LIG1: variants seen among roughly 807,000 people sequenced by gnomAD.
LIG1 encodes ligase I, DNA, ATP-dependent.
A neutral mutation model predicts 115.7 loss-of-function variants in LIG1; 70 were observed. The ratio of observed to expected loss-of-function variants is 0.60; its 90% CI spans 0.50 to 0.74. LIG1 has a LOEUF of 0.74. LIG1 is among the 30% of genes least tolerant of loss of function. The pLI is 0.00. For missense variants in LIG1, 1,115 were observed against 1,225.6 expected, an observed-to-expected ratio of 0.91 and a Z score of 1.35; for synonymous variants, 487 against 495.3, an observed-to-expected ratio of 0.98 and a Z score of 0.22.
chr19:48,133,183 C>G, intron 17 of LIG1, 86 bp from the exon 18 acceptor site: 3 of 879,866 alleles, frequency 3.4e-6, no homozygotes, highest in Non-Finnish European at 5.8e-6. Context: ...TAATGGGCCC[C>G]AGGACCATTC....
chr19:48,121,487 G>A (rs1395385936), intron 23 of LIG1, among the ~76,000 whole-genome samples, 165 bp from the exon 24 acceptor site: 1 of 152,148 alleles, frequency 6.6e-6, no homozygotes, highest in Admixed American at 6.5e-5. Flanking sequence ...CTGGACATGG[G>A]AAGGGTTTCT....
At position 48,167,688 on chromosome 19, in the gene LIG1, T is replaced by C. The variant is rs2036552464; in HGVS notation, c.-57-2065A>G. 3.3e-5 allele frequency among the ~76,000 whole-genome samples: 5 copies of C among 151,858 alleles called. No individual in the cohort carries two copies. The South Asian group carries it at 1.0e-3, about 32-fold the overall frequency. ...AAAAATGCAAAAAATTAGCCAGGCA[T>C]GGTGGTGCCAGCCTGTAATCCCAAC... On this transcript the variant is annotated intron_variant, in intron 1 of 27. Coordinates refer to ENST00000263274, the MANE Select transcript of LIG1 (RefSeq NM_000234.3).
At chr19:48,168,404 G>A (rs944250797) in intron 1 of LIG1, among the ~76,000 whole-genome samples, 3 of 152,176 alleles carry the variant, frequency 2.0e-5, no homozygotes, top group Admixed American at 6.5e-5. Context: ...CAAAGCCCAC[G>A]TTCCTTTCTC....
In LIG1 at chr19:48,165,470, T is replaced by C. The variant is rs560275461; in HGVS notation, c.17+80A>G. ...ACGTAAGAGTTTTTGTTTGTTTGTT[T>C]GTTTTTTTAAGTACAGATTTAGAGA... On this transcript the variant is annotated intron_variant, in intron 2 of 27. Transcript: ENST00000263274. 7.7e-6 allele frequency: 9 copies of C among 1,164,730 alleles called. No homozygotes were observed. In the Admixed American group the frequency reaches 1.0e-4, roughly 13 times the overall value. 72.1% of individuals were successfully genotyped at this position (1,164,730 alleles called of 1,614,324 possible).
At chr19:48,163,313 C>G in intron 2 of LIG1, among the ~76,000 whole-genome samples, 1 of 152,078 alleles carries the variant, frequency 6.6e-6, no homozygotes, top group South Asian at 2.1e-4. Context: ...CCTCGGCCTC[C>G]CAGTTTCAAG....
chr19:48,131,249 G>A (rs1474981004), intron 18 of LIG1, 78 bp from the exon 19 acceptor site: 2 of 1,031,540 alleles, frequency 1.9e-6, no homozygotes, highest in East Asian at 4.8e-5. Flanking sequence ...GACCCCACCT[G>A]CACTGGTAGA....
At chr19:48,131,220 G>A (rs1266280249) in intron 18 of LIG1, 49 bp from the exon 19 acceptor site, 2 of 1,433,080 alleles carry the variant, frequency 1.4e-6, no homozygotes, top group East Asian at 4.5e-5. Context: ...CCCCTCATGT[G>A]GCCTCAGCTT....
Position 48,169,302 on chromosome 19 carries a change from C to T in LIG1, c.-58+939G>A, listed in dbSNP as rs115745493. On this transcript the variant is annotated intron_variant, in intron 1 of 27. Transcript: ENST00000263274. ...ATCAAGCTGCACGGGCACACAGATGCACAATCACACTCACACCACACAAAC... is the reference window on the plus strand; with the variant it reads ...ATCAAGCTGCACGGGCACACAGATGTACAATCACACTCACACCACACAAAC... 8.0e-3 allele frequency among the ~76,000 whole-genome samples: 1,216 copies of T among 152,196 alleles called. 11 individuals are homozygous for T. The highest frequency in any genetic ancestry group is 0.028 in the African/African-American group (1,151 of 41,482).
chr19:48,151,638 C>A (rs866224697), intron 6 of LIG1, among the ~76,000 whole-genome samples: 1 of 152,064 alleles, frequency 6.6e-6, no homozygotes, highest in African/African-American at 2.4e-5. Context: ...ACCATGTTGG[C>A]CAGGCTGGTC....
In LIG1 at chr19:48,162,349, G is replaced by T; in HGVS notation, c.20C>A (p.Ser7Ter). MQRSIM[S>*]FFHPKKEGKA... ...ACCCTCTTTCTTGGGGTGGAAAAAT[G>T]ACCTAGAGGAGCATAAAAGGGGGTA... Residue 7 changes from serine to a stop codon, truncating the protein, a stop_gained and splice_region_variant, in exon 3 of 28, where the codon TCA (serine) becomes TAA (stop). Coordinates refer to ENST00000263274, the MANE Select transcript of LIG1 (RefSeq NM_000234.3). LOFTEE classifies it high-confidence loss of function. 1 of 1,612,212 alleles carries T rather than the reference G, an allele frequency of 6.2e-7. No individual in the cohort carries two copies. Among genetic ancestry groups the T allele is most frequent in the Non-Finnish European group, 8.5e-7 (1 of 1,178,896 alleles).
intron 5 of LIG1, among the ~76,000 whole-genome samples, chr19:48,155,573 G>A (rs187942143): frequency 7.9e-5 from 12 of 152,232 alleles, no homozygotes; most frequent in South Asian, 2.1e-4. Context: ...AGCATCGTCC[G>A]ATGGAAAGAT....
intron 6 of LIG1, 98 bp downstream of exon 6, chr19:48,153,768 ACACACC>A: frequency 1.9e-6 from 1 of 519,544 alleles, no homozygotes; most frequent in Non-Finnish European, 3.3e-6. Context: ...ACACACACAC[ACACACC>A]TCTCCTTCTG....
chr19:48,129,458 G>A (rs1240569585), intron 19 of LIG1, among the ~76,000 whole-genome samples: 1 of 152,218 alleles, frequency 6.6e-6, no homozygotes, highest in Non-Finnish European at 1.5e-5. Context: ...AGGTCTGCCT[G>A]CTCTGCTGGG....
In LIG1 at chr19:48,137,797, A is replaced by T; in HGVS notation, c.1088-109T>A. On this transcript the variant is annotated intron_variant, in intron 12 of 27. Transcript: ENST00000263274. This position sits in a 1 kb window ranked among gnomAD's most constrained non-coding sequence, Gnocchi z 4.3. The stretch of plus-strand genomic sequence containing the variant: ...TCTCCAGCTGTGTGTGCTTGTGGCG[A>T]GTCCCTGCACCTCCCTGTGTCTAAC... The T allele has an allele frequency of 1.5e-6, 2 of 1,365,076 alleles. No individual in the cohort carries two copies. The highest frequency in any genetic ancestry group is 2.0e-6 in the Non-Finnish European group (2 of 989,798). The allele number at this position is 1,365,076 out of a possible 1,614,324, so 84.6% of individuals were successfully genotyped here. A position where few individuals can be genotyped will look rare whatever the true frequency, so the allele number is the denominator to read the frequency against.
chr19:48,119,645 C>T (rs924935316), intron 24 of LIG1, among the ~76,000 whole-genome samples: 1 of 147,950 alleles, frequency 6.8e-6, no homozygotes, highest in Admixed American at 6.9e-5. Context: ...CTCAAGCAAT[C>T]CTCCTGCCTC....
In LIG1 at chr19:48,133,120, T is replaced by C. The variant is rs372450369; in HGVS notation, c.1610-23A>G. The C allele has an allele frequency of 3.3e-5, 49 of 1,481,908 alleles. No homozygotes were observed. In the African/African-American group the frequency reaches 6.2e-4, roughly 19 times the overall value. The allele number at this position is 1,481,908 out of a possible 1,614,324, so 91.8% of individuals were successfully genotyped here. A position where few individuals can be genotyped will look rare whatever the true frequency, so the allele number is the denominator to read the frequency against. ...TCCCTGGGAAAGGAGGAGAGTGAGTTAGAGGAGAGGGAAGGCAATGGATTA... is the reference window on the plus strand; with the variant it reads ...TCCCTGGGAAAGGAGGAGAGTGAGTCAGAGGAGAGGGAAGGCAATGGATTA... On this transcript the variant is annotated intron_variant, in intron 17 of 27. Transcript: ENST00000263274.
intron 24 of LIG1, among the ~76,000 whole-genome samples, chr19:48,119,667 T>C (rs997573712): frequency 6.6e-6 from 1 of 150,802 alleles, no homozygotes; most frequent in Non-Finnish European, 1.5e-5. Flanking sequence ...GCCTCCCAAG[T>C]AGCTGGGACC....
chr19:48,122,987 G>C lies in LIG1; in HGVS notation c.2179C>G (p.Leu727Val). The C allele has an allele frequency of 6.2e-7, 1 of 1,613,732 alleles. No individual in the cohort carries two copies. Among genetic ancestry groups the C allele is most frequent in the Non-Finnish European group, 8.5e-7 (1 of 1,179,986 alleles). Residue 727 changes from leucine to valine, a missense_variant, in exon 23 of 28, where the codon CTG (leucine) becomes GTG (valine). Physicochemically the swap from Leu to Val is conservative, Grantham distance 32. Coordinates refer to ENST00000263274, the MANE Select transcript of LIG1 (RefSeq NM_000234.3). The surrounding 1 kb of genome is among the most constrained non-coding windows in gnomAD (Gnocchi z 4.3). The part of the protein sequence containing the change: ...DSCEGLMVKT[L>V]DVDATYEIAK... Reference sequence around the variant, plus strand: ...ATCTCGTAGGTGGCATCAACATCCAGGGTCTTCACCATCAGCCCCTCGCAG... The same window carrying C: ...ATCTCGTAGGTGGCATCAACATCCACGGTCTTCACCATCAGCCCCTCGCAG...
Position 48,137,738 on chromosome 19 carries a change from C to G in LIG1, c.1088-50G>C, listed in dbSNP as rs1053258886. On this transcript the variant is annotated intron_variant, in intron 12 of 27. Coordinates refer to ENST00000263274, the MANE Select transcript of LIG1 (RefSeq NM_000234.3). This position sits in a 1 kb window ranked among gnomAD's most constrained non-coding sequence, Gnocchi z 4.3. ...GTGTCGAGGGTGACAGTTGTGGCTG[C>G]GTGTCTCCCTTCTCTCGCGGCCTGG... 1.1e-4 allele frequency: 170 copies of G among 1,593,170 alleles called. No homozygotes were observed. Among genetic ancestry groups the G allele is most frequent in the Non-Finnish European group, 1.4e-4 (160 of 1,175,640 alleles).
Sources: gnomAD v4.1 joint callset for allele counts (sites outside exome capture counted in the v4.1 genomes callset) on GRCh38, gnomAD v4.1.1 for gene constraint, Gnocchi (gnomAD v3.1) non-coding constraint, MANE v1.5 for transcripts, NCBI Gene and HGNC (gene_info 2026-07-23, HGNC 2026-07-21) for gene names.